Variants in LILRB3 observed in about 807,000 individuals in gnomAD.
The protein encoded by LILRB3 is leukocyte immunoglobulin like receptor B3, also known as leukocyte immunoglobulin-like receptor subfamily B member 3.
In LILRB3, 32 loss-of-function variants were observed where a neutral mutation model predicts 68.2. The observed-to-expected ratio is 0.47, with a 90% CI of 0.35 to 0.63. The LOEUF (loss-of-function observed/expected upper bound fraction) is 0.63. Among genes scored for constraint, LILRB3 ranks in the 30% least tolerant of loss-of-function variants. LILRB3 has a pLI of 0.00. For synonymous variants in LILRB3, 185 were observed against 323.1 expected, an observed-to-expected ratio of 0.57 and a Z score of 4.58; for missense variants, 502 against 791.3, an observed-to-expected ratio of 0.63 and a Z score of 4.39.
In LILRB3 at chr19:54,218,699, G is replaced by A; in HGVS notation, c.1503-17C>T. 1 of 1,614,176 alleles carries A rather than the reference G, an allele frequency of 6.2e-7. No individual in the cohort carries two copies. Among genetic ancestry groups the A allele is most frequent in the Non-Finnish European group, 8.5e-7 (1 of 1,180,034 alleles). ...GGGCTGGACCTGGAGGAGGACATGGGAGTGTGAGGGGCAGTGTATGGGCTG... is the reference window on the plus strand; with the variant it reads ...GGGCTGGACCTGGAGGAGGACATGGAAGTGTGAGGGGCAGTGTATGGGCTG... On this transcript the variant is annotated splice_polypyrimidine_tract_variant and intron_variant, in intron 9 of 12. Transcript: ENST00000445347.
At chr19:54,219,496 C>G in intron 7 of LILRB3, 2 of 1,550,318 alleles carry the variant, frequency 1.3e-6, no homozygotes, top group African/African-American at 1.4e-5. Context: ...ACCTGCAGCC[C>G]TTGTTCCTGC....
exon 13 of LILRB3, chr19:54,217,054 T>C: frequency 6.2e-7 from 1 of 1,614,032 alleles, no homozygotes; most frequent in Non-Finnish European, 8.5e-7. Context: ...CAGTCCTGAG[T>C]CTCCTTCTGC....
At chr19:54,216,421 TG>T (rs1184488857) in exon 13 of LILRB3, 1 of 158,274 alleles carries the variant, frequency 6.3e-6, no homozygotes, top group Non-Finnish European at 1.3e-5. Flanking sequence ...GCCATTCTCC[TG>T]CCTCAGCCTC....
At chr19:54,218,951 A>T in intron 8 of LILRB3, 113 bp from the exon 9 acceptor site, 1 of 1,548,844 alleles carries the variant, frequency 6.5e-7, no homozygotes, top group Non-Finnish European at 8.7e-7. Flanking sequence ...GATGTTCCAA[A>T]TATTTTATGA....
At chr19:54,219,205 C>T (rs756948323) in exon 8 of LILRB3, 2 of 1,603,738 alleles carry the variant, frequency 1.2e-6, no homozygotes, top group African/African-American at 2.7e-5. Context: ...GGACGAAGGC[C>T]ACCGAGACCC....
Position 54,219,110 on chromosome 19 carries a change from C to T in LILRB3, c.1426+19G>A, listed in dbSNP as rs1199771878. 10 of 1,574,154 alleles carry T rather than the reference C, an allele frequency of 6.4e-6. No homozygotes were observed. The highest frequency in any genetic ancestry group is 2.2e-5 in the East Asian group (1 of 44,680). On this transcript the variant is annotated intron_variant, in intron 8 of 12. Coordinates refer to ENST00000445347, the Ensembl canonical transcript of LILRB3. Reference sequence around the variant, plus strand: ...GCCCACCCTCGGTCGACCCATGGGTCCCCCGCTTCCCTACTCACCAGATGT... The same window carrying T: ...GCCCACCCTCGGTCGACCCATGGGTTCCCCGCTTCCCTACTCACCAGATGT...
At chr19:54,219,001 G>A (rs2077779165) in intron 8 of LILRB3, 128 bp downstream of exon 8, 6 of 1,518,058 alleles carry the variant, frequency 4.0e-6, no homozygotes, top group Non-Finnish European at 3.5e-6. Flanking sequence ...GTTTGTAAAT[G>A]CGTATTGAAA....
rs1469068160 is a variant in LILRB3, at chr19:54,218,695, A to G, written c.1503-13T>C. ...AGCTGGGCTGGACCTGGAGGAGGAC[A>G]TGGGAGTGTGAGGGGCAGTGTATGG... On this transcript the variant is annotated splice_polypyrimidine_tract_variant and intron_variant, in intron 9 of 12. Transcript: ENST00000445347. 2 of 1,614,136 alleles carry G rather than the reference A, an allele frequency of 1.2e-6. No homozygotes were observed. Among genetic ancestry groups the G allele is most frequent in the Admixed American group, 1.7e-5 (1 of 60,020 alleles).
chr19:54,222,180 C>T, intron 3 of LILRB3, 50 bp from the exon 4 acceptor site: 4 of 1,610,962 alleles, frequency 2.5e-6, no homozygotes, highest in Non-Finnish European at 3.4e-6. Flanking sequence ...CCTCCCACAT[C>T]ATCCCCAGGG....
At chr19:54,216,857 GT>G in exon 13 of LILRB3, 1 of 1,414,394 alleles carries the variant, frequency 7.1e-7, no homozygotes, top group South Asian at 1.6e-5. Flanking sequence ...TTTGTTTTTT[GT>G]TTTTTTGTTA....
rs200951745 is a variant in LILRB3, at chr19:54,217,250, G to A, written c.1750-11C>T. The A allele has an allele frequency of 9.1e-3, 14,729 of 1,610,004 alleles. 139 individuals carry two copies. Among genetic ancestry groups the A allele is most frequent in the South Asian group, 0.027 (2,494 of 91,018 alleles). The stretch of plus-strand genomic sequence containing the variant: ...TTCAGATGCAGCAGCCTGCAGCGGG[G>A]GAGAGTGAGAGGTAAGGAACGTGGT... On this transcript the variant is annotated splice_polypyrimidine_tract_variant and intron_variant, in intron 12 of 12. Transcript: ENST00000445347.
intron 2 of LILRB3, 55 bp downstream of exon 2, chr19:54,222,692 T>C: frequency 2.5e-6 from 4 of 1,612,434 alleles, no homozygotes; most frequent in Non-Finnish European, 3.4e-6. Flanking sequence ...TGCCCATGGG[T>C]GGCCCCCTGT....
At chr19:54,217,084 C>T (rs752253966) in exon 13 of LILRB3, 6 of 1,613,882 alleles carry the variant, frequency 3.7e-6, no homozygotes, top group African/African-American at 1.3e-5. Flanking sequence ...GGTCTGCGTA[C>T]CCCCCGGGCT....
exon 11 of LILRB3, chr19:54,218,390 A>T: frequency 1.2e-6 from 2 of 1,614,082 alleles, no homozygotes; most frequent in Admixed American, 3.3e-5. Flanking sequence ...CTGTCCTCAG[A>T]CTGTGTGTCC....
At chr19:54,221,840 T>C (rs1266251774) in exon 4 of LILRB3, 2 of 1,573,426 alleles carry the variant, frequency 1.3e-6, no homozygotes, top group African/African-American at 1.4e-5. Context: ...GAGGGCAGAA[T>C]CTCCAGGGGG....
At position 54,219,612 on chromosome 19, in the gene LILRB3, G is replaced by A. The variant is rs540465056; in HGVS notation, c.1310-367C>T. 3.5e-5 allele frequency: 53 copies of A among 1,529,716 alleles called. No homozygotes were observed. The South Asian group carries it at 4.4e-4, about 13-fold the overall frequency. 94.8% of individuals were successfully genotyped at this position (1,529,716 alleles called of 1,614,324 possible). A position where few individuals can be genotyped will look rare whatever the true frequency, so the allele number is the denominator to read the frequency against. Reference sequence around the variant, plus strand: ...TCACCGTCACTGCTGCAGGTGGGACGGGACAGGCCCCTGTGGAATCGGGTC... The same window carrying A: ...TCACCGTCACTGCTGCAGGTGGGACAGGACAGGCCCCTGTGGAATCGGGTC... On this transcript the variant is annotated intron_variant, in intron 7 of 12. Transcript: ENST00000445347.
chr19:54,219,540 G>T (rs117408808), intron 7 of LILRB3: 1 of 1,550,384 alleles, frequency 6.5e-7, no homozygotes, highest in Admixed American at 2.0e-5. Flanking sequence ...CAGGGAAAGA[G>T]CCTGACCGTC....
intron 10 of LILRB3, 51 bp from the exon 11 acceptor site, chr19:54,218,464 G>C (rs375678019): frequency 1.2e-6 from 2 of 1,611,832 alleles, no homozygotes; most frequent in Admixed American, 3.3e-5. Context: ...AGACCTCTCA[G>C]TCCTGCTGGC....
At chr19:54,222,389 T>C in exon 3 of LILRB3, 1 of 1,608,064 alleles carries the variant, frequency 6.2e-7, no homozygotes, top group South Asian at 1.1e-5. Flanking sequence ...ATGGAGAATC[T>C]GGCCTTGTTC....
Sources: allele counts gnomAD v4.1 joint callset, GRCh38; gene constraint gnomAD v4.1.1; transcripts MANE v1.5; gene names NCBI Gene and HGNC (gene_info 2026-07-23, HGNC 2026-07-21).